Variants in ARFGAP2 observed in about 807,000 individuals in gnomAD.
ARFGAP2 encodes the protein ADP-ribosylation factor GTPase-activating protein 2.
A neutral mutation model predicts 71.9 loss-of-function variants in ARFGAP2; 45 were observed. The observed-to-expected ratio is 0.63, with a 90% confidence interval of 0.49 to 0.80. The LOEUF is 0.80. Among genes scored for constraint, ARFGAP2 ranks in the 30% least tolerant of loss-of-function variants. The pLI is 0.00. For synonymous variants in ARFGAP2, 248 were observed against 249.2 expected, an observed-to-expected ratio of 1.00 and a Z score of 0.05; for missense variants, 633 against 673.9, an observed-to-expected ratio of 0.94 and a Z score of 0.67.
rs564696036 is a variant in ARFGAP2, at chr11:47,176,120, G to A, written c.192-197C>T. 9 of 619,934 alleles carry A rather than the reference G, an allele frequency of 1.5e-5. No individual in the cohort carries two copies. The African/African-American group carries it at 1.5e-4, about 10-fold the overall frequency. The allele number at this position is 619,934 out of a possible 1,614,324, so 38.4% of individuals were successfully genotyped here. A position where few individuals can be genotyped will look rare whatever the true frequency, so the allele number is the denominator to read the frequency against. Reference sequence around the variant, plus strand: ...ATTTACTCCAAAGAGTACTAATTATGTCCCCAGATCCGAAAGGAGGTCACA... The same window carrying A: ...ATTTACTCCAAAGAGTACTAATTATATCCCCAGATCCGAAAGGAGGTCACA... On this transcript the variant is annotated intron_variant, in intron 2 of 15. Coordinates refer to ENST00000524782, the MANE Select transcript of ARFGAP2 (RefSeq NM_032389.6).
chr11:47,176,453 C>T, intron 2 of ARFGAP2, 63 bp downstream of exon 2: 2 of 1,493,762 alleles, frequency 1.3e-6, no homozygotes, highest in Non-Finnish European at 1.9e-6. Context: ...AGCCACTCTC[C>T]CTTGTTGCCC....
At chr11:47,167,844 A>T in intron 12 of ARFGAP2, 65 bp downstream of exon 12, 1 of 1,500,254 alleles carries the variant, frequency 6.7e-7, no homozygotes, top group Non-Finnish European at 8.9e-7. Context: ...CTGCCTTAGA[A>T]TTCTCTACCT....
intron 7 of ARFGAP2, chr11:47,172,982 CTAAGGAAAAT>C (rs1344168145): frequency 2.8e-6 from 1 of 355,980 alleles, no homozygotes. Flanking sequence ...CTGAAAGACA[CTAAGGAAAAT>C]GTAGGAAAGA....
rs771953152 is a variant in ARFGAP2 at position 47,166,839 on chromosome 11, G to A, written c.1253C>T (p.Ser418Phe). The change falls in exon 13 of 16, where the codon TCT becomes TTT. Residue 418 changes from serine (S) to phenylalanine (F), a missense_variant. By Grantham distance (155) the Ser-to-Phe change is radical. Coordinates refer to ENST00000524782, the MANE Select transcript of ARFGAP2 (RefSeq NM_032389.6). ...TGCGAATTTCTGACGCGCCTCACTA[G>A]ACTCGAGGCCTGAGCTCCGGCTCTC... ...EVESRSSGLE[S>F]SEARQKFAGA... 7 of 1,613,950 alleles carry A rather than the reference G, an allele frequency of 4.3e-6. 1 individual carries two copies. Among genetic ancestry groups the A allele is most frequent in the Middle Eastern group, 1.6e-4 (1 of 6,084 alleles).
intron 7 of ARFGAP2, 142 bp from the exon 8 acceptor site, chr11:47,172,475 A>G (rs567929404): frequency 9.0e-5 from 102 of 1,134,908 alleles, no homozygotes; most frequent in Middle Eastern, 8.2e-4. Context: ...ACCAGCTCCA[A>G]CCAGCGGTGT....
intron 10 of ARFGAP2, among the ~76,000 whole-genome samples, chr11:47,168,826 G>A (rs1360471246): frequency 1.3e-5 from 2 of 152,012 alleles, no homozygotes; most frequent in East Asian, 3.9e-4. Flanking sequence ...CCTGGCTCGT[G>A]TTGTAATTTT....
chr11:47,175,374 G>C (rs1470658514), intron 3 of ARFGAP2, 61 bp from the exon 4 acceptor site: 1 of 1,611,176 alleles, frequency 6.2e-7, no homozygotes, highest in Admixed American at 1.7e-5. Flanking sequence ...GAAACGTGTT[G>C]GCTGTAGGAG....
chr11:47,176,670 C>G (rs775422002), intron 1 of ARFGAP2, 36 bp from the exon 2 acceptor site: 1 of 1,612,354 alleles, frequency 6.2e-7, no homozygotes, highest in Non-Finnish European at 8.5e-7. Context: ...TCGTCAGGGG[C>G]CCCGAGTAAA....
chr11:47,165,133 T>C lies in ARFGAP2; in HGVS notation c.*349A>G. ...AAAGCCTTCTACCTTCCGCTTTCCC[T>C]ACCTGGGGAAAGTCTGGACCCAGAA... is the stretch of plus-strand genomic sequence containing the variant. On this transcript the variant is annotated 3_prime_UTR_variant, in exon 16 of 16. Coordinates refer to ENST00000524782, the MANE Select transcript of ARFGAP2 (RefSeq NM_032389.6). 6.4e-6 allele frequency: 2 copies of C among 312,700 alleles called. No homozygotes were observed. The highest frequency in any genetic ancestry group is 1.2e-5 in the Non-Finnish European group (2 of 170,808). The allele number at this position is 312,700 out of a possible 1,614,324, so 19.4% of individuals were successfully genotyped here.
At position 47,175,020 on chromosome 11, in the gene ARFGAP2, T is replaced by C. The variant is rs1323551136; in HGVS notation, c.475A>G (p.Thr159Ala). The change falls in exon 5 of 16, where the codon ACT (threonine) becomes GCT (alanine). Residue 159 changes from threonine to alanine, a missense_variant. Thr to Ala is a moderately conservative substitution (Grantham distance 58, BLOSUM62 0). Transcript: ENST00000524782. The stretch of plus-strand genomic sequence containing the variant: ...GGTTCCTTGTGGGCACTCACTTGAG[T>C]GTGTTCTGTGAAGAAATCAGAGTCC... The part of the protein sequence containing the change: ...KKDSDFFTEH[T>A]QPPAWDAPAT... 8 of 1,613,952 alleles carry C rather than the reference T, an allele frequency of 5.0e-6. No individual in the cohort carries two copies. Among genetic ancestry groups the C allele is most frequent in the East Asian group, 2.2e-5 (1 of 44,890 alleles).
Position 47,168,178 on chromosome 11 carries a change from G to A in ARFGAP2, c.1015C>T (p.Arg339Cys), listed in dbSNP as rs746031015. 13 of 1,614,108 alleles carry A rather than the reference G, an allele frequency of 8.1e-6. No homozygotes were observed. Among genetic ancestry groups the A allele is most frequent in the Middle Eastern group, 1.6e-4 (1 of 6,084 alleles). ...QETPVSAKSS[R>C]SQLDLFDDVG... is the part of the protein sequence containing the mutation. Reference sequence around the variant, plus strand: ...TCGTCAAACAAGTCCAGCTGCGAGCGAGAGGATTTTGCACTCACTGGGGTT... The same window carrying A: ...TCGTCAAACAAGTCCAGCTGCGAGCAAGAGGATTTTGCACTCACTGGGGTT... Residue 339 changes from arginine to cysteine, a missense_variant, in exon 11 of 16, where the codon CGC (arginine) becomes TGC (cysteine). Arg to Cys is a radical substitution (Grantham distance 180, BLOSUM62 -3). Transcript: ENST00000524782.
At chr11:47,165,990 C>T (rs1160887025) in intron 15 of ARFGAP2, among the ~76,000 whole-genome samples, 2 of 152,082 alleles carry the variant, frequency 1.3e-5, no homozygotes, top group African/African-American at 2.4e-5. Flanking sequence ...CTCAGCATCC[C>T]GAGTAGCGGG....
chr11:47,172,039 G>T, intron 8 of ARFGAP2: 1 of 713,956 alleles, frequency 1.4e-6, no homozygotes, highest in Non-Finnish European at 2.3e-6. Flanking sequence ...ACAGGGCCAA[G>T]TATGTGCCAA....
rs183427271 is a variant in ARFGAP2, at chr11:47,171,786, T to C, written c.687A>G (p.Lys229=). ...AAAKKGLGAK[K]GLGAQKVSSQ... Reference sequence around the variant, plus strand: ...TGCTCACCTTCTGGGCCCCTAGGCCTTTCTTGGCACCCAGCTGGGAACAGA... The same window carrying C: ...TGCTCACCTTCTGGGCCCCTAGGCCCTTCTTGGCACCCAGCTGGGAACAGA... The change falls in exon 9 of 16, where the codon AAA becomes AAG. Residue 229 remains lysine (K), a synonymous_variant. Transcript: ENST00000524782. 1.3e-5 allele frequency: 21 copies of C among 1,613,814 alleles called. No homozygotes were observed. The Admixed American group carries it at 2.8e-4, about 22-fold the overall frequency.
In ARFGAP2 at chr11:47,166,368, T is replaced by A. The variant is rs749706851; in HGVS notation, c.1445A>T (p.Asn482Ile). 1 of 1,614,162 alleles carries A rather than the reference T, an allele frequency of 6.2e-7. No homozygotes were observed. Among genetic ancestry groups the A allele is most frequent in the Non-Finnish European group, 8.5e-7 (1 of 1,179,994 alleles). ...AHGAGSVSLG[N>I]VLPTADIAQF... ...GGCAATGTCCGCTGTAGGCAGCACG[T>A]TCCCCAGAGATACACTTCCTGTAAA... is the stretch of plus-strand genomic sequence containing the variant. The change falls in exon 15 of 16, where the codon AAC becomes ATC. Residue 482 changes from asparagine (N) to isoleucine (I), a missense_variant. Transcript: ENST00000524782.
At chr11:47,176,057 C>A in intron 2 of ARFGAP2, 134 bp from the exon 3 acceptor site, 1 of 777,246 alleles carries the variant, frequency 1.3e-6, no homozygotes, top group Non-Finnish European at 2.2e-6. Flanking sequence ...CCCATTTCCT[C>A]CACACTACCC....
chr11:47,170,339 A>AAAAAAAG (rs1952549701), intron 10 of ARFGAP2, among the ~76,000 whole-genome samples: 1 of 150,622 alleles, frequency 6.6e-6, no homozygotes, highest in African/African-American at 2.4e-5. Context: ...AAAAAAAAAA[A>AAAAAAAG]AAAAGAAAAG....
At chr11:47,176,210 A>G in intron 2 of ARFGAP2, 1 of 588,012 alleles carries the variant, frequency 1.7e-6, no homozygotes, top group Non-Finnish European at 3.0e-6. Flanking sequence ...CACTAGAGAC[A>G]TACTGGTCTA....
At position 47,164,448 on chromosome 11, in the gene ARFGAP2, T is replaced by G; in HGVS notation, c.*1034A>C. 1.9e-6 allele frequency: 1 copy of G among 535,924 alleles called. No individual in the cohort carries two copies. The highest frequency in any genetic ancestry group is 2.8e-5 in the South Asian group (1 of 35,530). The allele number at this position is 535,924 out of a possible 1,614,324, so 33.2% of individuals were successfully genotyped here. ...GTCTGTGTTGCTTGGGAGCCCAACCTACAACCCAAAGGTGGGGGCTGGGCT... is the reference window on the plus strand; with the variant it reads ...GTCTGTGTTGCTTGGGAGCCCAACCGACAACCCAAAGGTGGGGGCTGGGCT... On this transcript the variant is annotated 3_prime_UTR_variant, in exon 16 of 16. Transcript: ENST00000524782.
Sources: allele counts gnomAD v4.1 joint callset (sites outside exome capture counted in the v4.1 genomes callset), GRCh38; gene constraint gnomAD v4.1.1; transcripts MANE v1.5; gene names NCBI Gene and HGNC (gene_info 2026-07-23, HGNC 2026-07-21).